The following FAM185A variants were observed in gnomAD, a reference collection of about 807,000 sequenced individuals.
FAM185A encodes the protein family with sequence similarity 185 member A.
Under a neutral mutation model 45.7 loss-of-function variants are expected in FAM185A, and 21 were observed. The ratio of observed to expected loss-of-function variants is 0.46; its 90% CI spans 0.33 to 0.66. FAM185A has a LOEUF of 0.66. Ranked by LOEUF, FAM185A falls within the 30% of genes least tolerant of loss-of-function variation. The pLI is 0.03. For missense variants in FAM185A, 305 were observed against 485.4 expected (o/e 0.63, Z 3.49); for synonymous variants, 117 against 194.0 (o/e 0.60, Z 3.30).
chr7:102,797,074 C>G (rs1197247500), intron 7 of FAM185A, among the ~76,000 whole-genome samples: 1 of 152,164 alleles, frequency 6.6e-6, no homozygotes, highest in Non-Finnish European at 1.5e-5. Context: ...GGATAGGCAT[C>G]ATTAAAACTA....
intron 5 of FAM185A, among the ~76,000 whole-genome samples, chr7:102,776,086 ATGT>A (rs1795036548): frequency 6.8e-6 from 1 of 147,424 alleles, no homozygotes; most frequent in Non-Finnish European, 1.5e-5. Flanking sequence ...TAAAAGAAAA[ATGT>A]TGGCTCCTAT....
chr7:102,826,724 CATATATATATA>C, the FAM185A span, among the ~76,000 whole-genome samples: 6 of 62,712 alleles, frequency 9.6e-5, no homozygotes, highest in African/African-American at 2.8e-4. Context: ...GACCCTGTCT[CATATATATATA>C]TATATATATA....
Position 102,767,134 on chromosome 7 carries a change from CT to C in FAM185A, c.794-5261del, listed in dbSNP as rs56733214. Among the ~76,000 whole-genome samples, 431 of 139,712 alleles carry C rather than the reference CT, an allele frequency of 3.1e-3. 2 individuals carry two copies. Among genetic ancestry groups the C allele is most frequent in the African/African-American group, 0.01 (377 of 37,516 alleles). The allele number at this position is 139,712 out of a possible 152,430, so 91.7% of individuals were successfully genotyped here. The stretch of plus-strand genomic sequence containing the variant: ...ATGAAATATTAGAAAAGAATTACAG[CT>C]TTTTTTTTTTTTTGTGGTGCAAACC... On this transcript the variant is annotated intron_variant, in intron 4 of 7. Coordinates refer to ENST00000413034, the MANE Select transcript of FAM185A (RefSeq NM_001145268.2).
chr7:102,767,988 T>C (rs144710842), intron 4 of FAM185A, among the ~76,000 whole-genome samples: 2 of 140,300 alleles, frequency 1.4e-5, no homozygotes, highest in East Asian at 1.9e-4. Context: ...TTTTTCAATC[T>C]ATCTCACCTT....
rs934279292 is a variant in FAM185A at position 102,783,325 on chromosome 7, A to G, written c.932-4010A>G. Among the ~76,000 whole-genome samples, 490 of 152,238 alleles carry G rather than the reference A, an allele frequency of 3.2e-3. 3 individuals are homozygous for G. Among genetic ancestry groups the G allele is most frequent in the African/African-American group, 0.011 (473 of 41,522 alleles). ...CTAATAGACATCTACAGAACTCTCCACCCCAAATCAACAGAATATACATTC... is the reference window on the plus strand; with the variant it reads ...CTAATAGACATCTACAGAACTCTCCGCCCCAAATCAACAGAATATACATTC... On this transcript the variant is annotated intron_variant, in intron 6 of 7. Transcript: ENST00000413034.
chr7:102,834,032 TGAAGGAAG>T, the FAM185A span, among the ~76,000 whole-genome samples: 364 of 75,460 alleles, frequency 4.8e-3, 2 homozygotes, highest in Non-Finnish European at 4.9e-3. Flanking sequence ...GAAACCATGA[TGAAGGAAG>T]GAAGGAAGGA....
At chr7:102,818,710 C>G in the FAM185A span, among the ~76,000 whole-genome samples, 1 of 152,176 alleles carries the variant, frequency 6.6e-6, no homozygotes, top group Admixed American at 6.5e-5. Context: ...AAGACTTTCT[C>G]TACTAGTTCT....
At chr7:102,835,481 A>G in the FAM185A span, among the ~76,000 whole-genome samples, 2 of 152,204 alleles carry the variant, frequency 1.3e-5, no homozygotes, top group African/African-American at 4.8e-5. Flanking sequence ...ACATCATATT[A>G]GAACACAGTA....
At chr7:102,826,749 A>ATG in the FAM185A span, among the ~76,000 whole-genome samples, 1 of 103,112 alleles carries the variant, frequency 9.7e-6, no homozygotes, top group South Asian at 2.6e-4. Context: ...ATATATATAT[A>ATG]TATATATATA....
chr7:102,834,150 C>CGAG, the FAM185A span, among the ~76,000 whole-genome samples: 11 of 119,626 alleles, frequency 9.2e-5, 1 homozygote, highest in African/African-American at 3.6e-4. Context: ...AAAGAGAAGA[C>CGAG]AAGAGAAAAG....
chr7:102,813,328 C>A (rs1797563458), downstream of FAM185A: 4 of 1,577,996 alleles, frequency 2.5e-6, no homozygotes, highest in South Asian at 4.7e-5. Flanking sequence ...GTTCTTCCTG[C>A]TTGAGGCTGA....
downstream of FAM185A, among the ~76,000 whole-genome samples, chr7:102,811,616 C>CG (rs1288679088): frequency 6.6e-6 from 1 of 152,314 alleles, no homozygotes; most frequent in Non-Finnish European, 1.5e-5. Context: ...TGTTTCTTAC[C>CG]GGGGTCTAAC....
intron 4 of FAM185A, among the ~76,000 whole-genome samples, chr7:102,768,295 A>C (rs1432816084): frequency 1.4e-5 from 2 of 147,058 alleles, no homozygotes; most frequent in Non-Finnish European, 3.0e-5. Flanking sequence ...GTTCTTGATC[A>C]GAGCCTTTGA....
the FAM185A span, among the ~76,000 whole-genome samples, chr7:102,846,383 T>C: frequency 6.6e-6 from 1 of 152,256 alleles, no homozygotes; most frequent in African/African-American, 2.4e-5. Context: ...CTTTGGAGGC[T>C]GAGGCAGGCA....
At chr7:102,787,213 T>C in intron 6 of FAM185A, 122 bp from the exon 7 acceptor site, 1 of 958,788 alleles carries the variant, frequency 1.0e-6, no homozygotes, top group Non-Finnish European at 1.4e-6. Context: ...AAATAAATAC[T>C]GTATGCTGAG....
the FAM185A span, among the ~76,000 whole-genome samples, chr7:102,831,431 A>ACCCCCCC: frequency 5.4e-5 from 8 of 147,126 alleles, no homozygotes; most frequent in African/African-American, 2.0e-4. Context: ...ACACACACAC[A>ACCCCCCC]CCCCACTACA....
intron 5 of FAM185A, among the ~76,000 whole-genome samples, chr7:102,772,739 T>C (rs1794831829): frequency 6.6e-6 from 1 of 151,784 alleles, no homozygotes; most frequent in South Asian, 2.1e-4. Context: ...AATATCTAAA[T>C]TAAGTCCTTG....
intron 4 of FAM185A, among the ~76,000 whole-genome samples, chr7:102,766,046 A>T (rs189726473): frequency 6.6e-6 from 1 of 152,214 alleles, no homozygotes; most frequent in Non-Finnish European, 1.5e-5. Flanking sequence ...ATTCTACAAA[A>T]TACAGTTTTA....
At chr7:102,835,019 T>C in the FAM185A span, among the ~76,000 whole-genome samples, 3 of 152,254 alleles carry the variant, frequency 2.0e-5, no homozygotes, top group Non-Finnish European at 4.4e-5. Context: ...CTATCAGGAT[T>C]TGCACATGAC....
Sources: gnomAD v4.1 joint callset for allele counts (sites outside exome capture counted in the v4.1 genomes callset) on GRCh38, gnomAD v4.1.1 for gene constraint, MANE v1.5 for transcripts, NCBI Gene and HGNC (gene_info 2026-07-23, HGNC 2026-07-21) for gene names.